Variants in COL19A1 observed in about 807,000 individuals in gnomAD.
COL19A1 encodes collagen type XIX alpha 1 chain.
In COL19A1, 159 loss-of-function variants were observed where a neutral mutation model predicts 190.2. That is an observed-to-expected ratio of 0.84 (90% CI 0.73 to 0.95). The LOEUF (loss-of-function observed/expected upper bound fraction) is 0.95, where lower values mean the gene tolerates loss of function less well. COL19A1 is among the 40% of genes least tolerant of loss of function. The pLI is 0.00. For missense variants in COL19A1, 1,418 were observed against 1,431.9 expected, an observed-to-expected ratio of 0.99 and a Z score of 0.16; for synonymous variants, 509 against 458.9, an observed-to-expected ratio of 1.11 and a Z score of -1.39.
intron 36 of COL19A1, among the ~76,000 whole-genome samples, chr6:70,165,476 G>T (rs1227411862): frequency 6.6e-6 from 1 of 152,170 alleles, no homozygotes; most frequent in African/African-American, 2.4e-5. Flanking sequence ...AACACAGGTT[G>T]TGATTTTTTT....
chr6:70,033,886 A>G (rs1020136796), intron 12 of COL19A1, among the ~76,000 whole-genome samples: 1 of 152,158 alleles, frequency 6.6e-6, no homozygotes, highest in Admixed American at 6.6e-5. Flanking sequence ...ACAAAGGCCA[A>G]ATCAATGCTA....
chr6:69,950,691 C>G (rs1194853232), intron 9 of COL19A1, among the ~76,000 whole-genome samples: 1 of 151,030 alleles, frequency 6.6e-6, no homozygotes, highest in Non-Finnish European at 1.5e-5. Context: ...CACACACACA[C>G]ACACACACAC....
rs1247810382 is a variant in COL19A1 at position 70,156,181 on chromosome 6, G to A, written c.2134G>A (p.Glu712Lys). 1 of 1,612,338 alleles carries A rather than the reference G, an allele frequency of 6.2e-7. No homozygotes were observed. Among genetic ancestry groups the A allele is most frequent in the Non-Finnish European group, 8.5e-7 (1 of 1,179,322 alleles). The change falls in exon 32 of 51, where the codon GAA (glutamate) becomes AAA (lysine). Residue 712 changes from glutamate (E) to lysine (K), a missense_variant. Transcript: ENST00000620364. ...SVPGLKSNKGEEGGAGEPGKY... is the reference protein window; with the variant it reads ...SVPGLKSNKGKEGGAGEPGKY... The stretch of plus-strand genomic sequence containing the variant: ...CCCAGGGCTGAAAAGCAACAAAGGA[G>A]AAGAAGGAGGTGCTGGTGAGCCTGG...
intron 48 of COL19A1, among the ~76,000 whole-genome samples, chr6:70,192,418 C>T (rs749504537): frequency 9.2e-5 from 14 of 151,412 alleles, no homozygotes; most frequent in Non-Finnish European, 1.9e-4. Flanking sequence ...TTAATGTTGC[C>T]CTTAAATTTT....
At chr6:69,959,941 T>C in intron 9 of COL19A1, 55 bp from the exon 10 acceptor site, 1 of 1,542,820 alleles carries the variant, frequency 6.5e-7, no homozygotes, top group African/African-American at 1.4e-5. Context: ...CACAAAAACG[T>C]CTATGTTCAT....
At chr6:70,124,086 AAAAAT>A (rs1267445661) in intron 17 of COL19A1, among the ~76,000 whole-genome samples, 11 of 151,986 alleles carry the variant, frequency 7.2e-5, no homozygotes, top group Non-Finnish European at 1.6e-4. Context: ...GAGATCATTA[AAAAAT>A]AAAATAAAAT....
chr6:69,998,728 AG>A (rs1754227279), intron 11 of COL19A1, among the ~76,000 whole-genome samples: 1 of 151,754 alleles, frequency 6.6e-6, no homozygotes, highest in African/African-American at 2.4e-5. Flanking sequence ...CTCACACCTT[AG>A]TTCCCTCATT....
intron 41 of COL19A1, among the ~76,000 whole-genome samples, chr6:70,175,234 A>C (rs534154149): frequency 1.3e-5 from 2 of 152,094 alleles, no homozygotes; most frequent in Non-Finnish European, 2.9e-5. Flanking sequence ...TGGAGTTTTC[A>C]TCCTAGTTGA....
At chr6:70,158,457 T>C (rs1346131529) in intron 34 of COL19A1, among the ~76,000 whole-genome samples, 1 of 152,092 alleles carries the variant, frequency 6.6e-6, no homozygotes, top group Non-Finnish European at 1.5e-5. Context: ...AGACTTCTAA[T>C]TATTATGTCT....
In COL19A1 at chr6:70,210,919, A is replaced by G. The variant is rs1291025963; in HGVS notation, c.*3645A>G. Reference sequence around the variant, plus strand: ...TTGATTTTATTTCTTTGGTGGATATATATGTACTTATACACTTAGTTAACA... The same window carrying G: ...TTGATTTTATTTCTTTGGTGGATATGTATGTACTTATACACTTAGTTAACA... On this transcript the variant is annotated 3_prime_UTR_variant, in exon 51 of 51. Coordinates refer to ENST00000620364, the MANE Select transcript of COL19A1 (RefSeq NM_001858.6). Among the ~76,000 whole-genome samples, 3 of 152,102 alleles carry G rather than the reference A, an allele frequency of 2.0e-5. No homozygotes were observed. The highest frequency in any genetic ancestry group is 7.2e-5 in the African/African-American group (3 of 41,430).
At chr6:70,192,741 T>G (rs550961229) in intron 48 of COL19A1, among the ~76,000 whole-genome samples, 128 of 152,272 alleles carry the variant, frequency 8.4e-4, no homozygotes, top group African/African-American at 2.8e-3. Context: ...AAGACAGCAA[T>G]AGTAAAGCCG....
chr6:69,895,265 C>T (rs920181017), intron 2 of COL19A1, among the ~76,000 whole-genome samples: 6 of 152,184 alleles, frequency 3.9e-5, no homozygotes. Flanking sequence ...CAAGGAGCGA[C>T]AGAGGGTGGT....
intron 14 of COL19A1, among the ~76,000 whole-genome samples, chr6:70,061,108 G>A (rs1218406061): frequency 1.3e-5 from 2 of 152,054 alleles, no homozygotes; most frequent in Non-Finnish European, 2.9e-5. Flanking sequence ...TTTACTAAAC[G>A]GGAGGAACAG....
intron 4 of COL19A1, among the ~76,000 whole-genome samples, chr6:69,926,872 AAGT>A (rs1028370105): frequency 2.0e-5 from 3 of 152,234 alleles, no homozygotes; most frequent in African/African-American, 7.2e-5. Context: ...AGCAAGAGAG[AAGT>A]AGTTAACCAA....
Position 70,149,717 on chromosome 6 carries a change from C to G in COL19A1, c.1907C>G (p.Pro636Arg), listed in dbSNP as rs142628684. 4.3e-6 allele frequency: 7 copies of G among 1,613,388 alleles called. No individual in the cohort carries two copies. Among genetic ancestry groups the G allele is most frequent in the East Asian group, 2.2e-5 (1 of 44,828 alleles). The change falls in exon 28 of 51, where the codon CCA becomes CGA. Residue 636 changes from proline to arginine, a missense_variant. Transcript: ENST00000620364. ...GIPGRTGAQGPAGEPGIQGPR... is the reference protein window; with the variant it reads ...GIPGRTGAQGRAGEPGIQGPR... ...ATTTGTACTCAGGGCGCCCAAGGAC[C>G]AGCTGGAGAGCCAGGTATTCAGGTA... is the stretch of plus-strand genomic sequence containing the variant.
intron 9 of COL19A1, among the ~76,000 whole-genome samples, chr6:69,941,643 C>CCAATATTA (rs1341835139): frequency 1.3e-5 from 2 of 151,028 alleles, no homozygotes; most frequent in African/African-American, 4.9e-5. Flanking sequence ...TCTTTTATTT[C>CCAATATTA]CAATATTATC....
intron 16 of COL19A1, among the ~76,000 whole-genome samples, chr6:70,111,887 C>T (rs1784307472): frequency 6.6e-6 from 1 of 152,142 alleles, no homozygotes; most frequent in Non-Finnish European, 1.5e-5. Flanking sequence ...AGAATGTCCC[C>T]AGCTATTCAA....
rs528312849 is a variant in COL19A1 at position 70,204,269 on chromosome 6, A to G, written c.3224-2632A>G. On this transcript the variant is annotated intron_variant, in intron 49 of 50. Coordinates refer to ENST00000620364, the MANE Select transcript of COL19A1 (RefSeq NM_001858.6). ...CTGAAGAGGTGAAAAGCTTAATTCT[A>G]TAAATGGGGAAAGCTGTTATTGACC... is the stretch of plus-strand genomic sequence containing the variant. 2.0e-5 allele frequency among the ~76,000 whole-genome samples: 3 copies of G among 152,328 alleles called. No individual in the cohort carries two copies. In the South Asian group the frequency reaches 6.2e-4, roughly 32 times the overall value.
chr6:70,138,064 T>C (rs1345738267), intron 19 of COL19A1, among the ~76,000 whole-genome samples: 2 of 152,196 alleles, frequency 1.3e-5, no homozygotes, highest in Non-Finnish European at 2.9e-5. Flanking sequence ...GAATCACACC[T>C]AGGTGAGTTG....
Sources: gnomAD v4.1 joint callset for allele counts (sites outside exome capture counted in the v4.1 genomes callset) on GRCh38, gnomAD v4.1.1 for gene constraint, MANE v1.5 for transcripts, NCBI Gene and HGNC (gene_info 2026-07-23, HGNC 2026-07-21) for gene names.